PLEKHG1: variants seen among roughly 807,000 people sequenced by gnomAD.
PLEKHG1 encodes pleckstrin homology domain-containing family G member 1.
PLEKHG1 carries 44 observed loss-of-function variants against 100.8 expected under a neutral mutation model. The observed-to-expected ratio is 0.44, with a 90% CI of 0.34 to 0.56. PLEKHG1 has a LOEUF of 0.56. Ranked by LOEUF, PLEKHG1 falls within the 20% of genes least tolerant of loss-of-function variation. The pLI is 0.01. For missense variants in PLEKHG1, 1,545 were observed against 1,720.9 expected (o/e 0.90, Z 1.81); for synonymous variants, 640 against 662.5 (o/e 0.97, Z 0.52).
intron 6 of PLEKHG1, among the ~76,000 whole-genome samples, chr6:150,802,279 T>A (rs1202473439): frequency 6.6e-6 from 1 of 152,212 alleles, no homozygotes; most frequent in Admixed American, 6.5e-5. Context: ...CCGTATGACC[T>A]CTTAGATTTA....
At chr6:150,757,556 C>A (rs1375123206) in intron 2 of PLEKHG1, among the ~76,000 whole-genome samples, 1 of 146,062 alleles carries the variant, frequency 6.8e-6, no homozygotes, top group African/African-American at 2.7e-5. Flanking sequence ...GTGGTGCACA[C>A]AAGTATGTGT....
chr6:150,752,043 G>T (rs574767984), intron 2 of PLEKHG1, among the ~76,000 whole-genome samples: 1 of 151,976 alleles, frequency 6.6e-6, no homozygotes, highest in African/African-American at 2.4e-5. Flanking sequence ...ACAGAAAGCC[G>T]GGCATGGTGG....
At chr6:150,628,576 A>ACACACACACACACACACACACACACACC (rs1317085737) in intron 1 of PLEKHG1, among the ~76,000 whole-genome samples, 4 of 108,094 alleles carry the variant, frequency 3.7e-5, no homozygotes, top group African/African-American at 1.0e-4. Flanking sequence ...ACACACACAC[A>ACACACACACACACACACACACACACACC]CCCCGTCCTT....
At chr6:150,805,094 G>C (rs803430) in intron 7 of PLEKHG1, among the ~76,000 whole-genome samples, 99,893 of 151,866 alleles carry the variant, frequency 0.66, 33,445 homozygotes, top group East Asian at 0.92. Context: ...TGCCACCACG[G>C]CCTGCCAATT....
chr6:150,778,247 C>T (rs186609163), intron 3 of PLEKHG1, among the ~76,000 whole-genome samples: 2 of 152,320 alleles, frequency 1.3e-5, no homozygotes, highest in East Asian at 1.9e-4. Context: ...CCCTCCTCAA[C>T]CTCCCAAGTA....
chr6:150,805,288 G>A (rs1174782588), intron 7 of PLEKHG1, among the ~76,000 whole-genome samples: 1 of 152,202 alleles, frequency 6.6e-6, no homozygotes. Flanking sequence ...GATGGTCTAA[G>A]TTACAATTTT....
chr6:150,796,979 T>G (rs564868928), intron 5 of PLEKHG1, among the ~76,000 whole-genome samples: 2 of 151,952 alleles, frequency 1.3e-5, no homozygotes, highest in Admixed American at 6.6e-5. Flanking sequence ...AGTTATGGGG[T>G]TTTTTTGTTT....
At chr6:150,723,787 A>G (rs1781819583) in intron 1 of PLEKHG1, among the ~76,000 whole-genome samples, 1 of 152,236 alleles carries the variant, frequency 6.6e-6, no homozygotes. Flanking sequence ...GCTTGAAACA[A>G]CAAACATTTA....
At chr6:150,721,910 A>T (rs1781693164) in intron 1 of PLEKHG1, among the ~76,000 whole-genome samples, 2 of 152,138 alleles carry the variant, frequency 1.3e-5, no homozygotes, top group Admixed American at 1.3e-4. Flanking sequence ...TATAAAAATT[A>T]TTTTAATTTA....
At chr6:150,818,012 C>G (rs1333430380) in intron 10 of PLEKHG1, among the ~76,000 whole-genome samples, 171 bp from the exon 12 acceptor site, 1 of 152,102 alleles carries the variant, frequency 6.6e-6, no homozygotes, top group Non-Finnish European at 1.5e-5. Flanking sequence ...CACTTGAGGG[C>G]GCTCATCTGC....
rs114184469 is a variant in PLEKHG1, at chr6:150,666,486, C to G, written c.-99+15700C>G. Among the ~76,000 whole-genome samples the G allele has an allele frequency of 6.7e-3, 1,023 of 152,294 alleles. 12 individuals are homozygous for G. The highest frequency in any genetic ancestry group is 0.023 in the African/African-American group (968 of 41,554). ...TAACTTGCGTCTGTTTGCCAGCTTG[C>G]TCCATCTTCTCTGCTTGGGGCAGGA... On this transcript the variant is annotated intron_variant, in intron 3 of 3. Coordinates refer to the PLEKHG1 transcript ENST00000367326.
At chr6:150,777,883 C>A (rs556344545) in intron 3 of PLEKHG1, among the ~76,000 whole-genome samples, 1 of 152,282 alleles carries the variant, frequency 6.6e-6, no homozygotes, top group African/African-American at 2.4e-5. Flanking sequence ...GTAGTCTCCA[C>A]CCCCGAGGCT....
rs78847455 is a variant in PLEKHG1, at chr6:150,667,322, A to G, written c.-99+16536A>G. 6.7e-3 allele frequency among the ~76,000 whole-genome samples: 1,027 copies of G among 152,284 alleles called. 13 individuals carry two copies. The highest frequency in any genetic ancestry group is 0.023 in the African/African-American group (972 of 41,558). ...ATTTTTTTAAAAAGAGTTTCTACAT[A>G]TGATTTTGTGAATACTTAGCCTTTG... On this transcript the variant is annotated intron_variant, in intron 3 of 3. Transcript: ENST00000367326.
intron 2 of PLEKHG1, among the ~76,000 whole-genome samples, chr6:150,640,569 T>A (rs1203587245): frequency 6.6e-6 from 1 of 152,170 alleles, no homozygotes; most frequent in East Asian, 1.9e-4. Flanking sequence ...CATTTATATA[T>A]CATCCGGACT....
At chr6:150,630,159 T>C (rs938245299) in intron 1 of PLEKHG1, among the ~76,000 whole-genome samples, 1 of 152,228 alleles carries the variant, frequency 6.6e-6, no homozygotes, top group African/African-American at 2.4e-5. Context: ...GAATGGTACC[T>C]GGGGAATAGG....
intron 3 of PLEKHG1, among the ~76,000 whole-genome samples, chr6:150,662,271 T>A (rs1779223392): frequency 6.6e-6 from 1 of 152,204 alleles, no homozygotes; most frequent in South Asian, 2.1e-4. Flanking sequence ...GCTCCTGCAT[T>A]TGAGGAACAT....
chr6:150,695,365 T>C (rs1780502530), intron 3 of PLEKHG1, among the ~76,000 whole-genome samples: 1 of 152,214 alleles, frequency 6.6e-6, no homozygotes, highest in Non-Finnish European at 1.5e-5. Flanking sequence ...CTTAATTTGG[T>C]TTTAATTTAA....
intron 7 of PLEKHG1, among the ~76,000 whole-genome samples, chr6:150,808,623 G>T (rs1233171880): frequency 6.6e-6 from 1 of 152,076 alleles, no homozygotes; most frequent in Non-Finnish European, 1.5e-5. Flanking sequence ...CATGGTGATG[G>T]GCACCTGTAA....
At chr6:150,779,735 G>A (rs1785204258) in intron 3 of PLEKHG1, among the ~76,000 whole-genome samples, 2 of 151,832 alleles carry the variant, frequency 1.3e-5, no homozygotes, top group Non-Finnish European at 2.9e-5. Flanking sequence ...GGGAGGCCGA[G>A]GCTGGCAGAT....
Sources: allele counts gnomAD v4.1 joint callset (sites outside exome capture counted in the v4.1 genomes callset), GRCh38; gene constraint gnomAD v4.1.1; transcripts MANE v1.5; gene names NCBI Gene and HGNC (gene_info 2026-07-23, HGNC 2026-07-21).